The following OVGP1 variants were observed in gnomAD, a reference collection of about 807,000 sequenced individuals.
OVGP1 encodes the protein oviductal glycoprotein 1, also known as oviduct-specific glycoprotein.
OVGP1 carries 26 observed loss-of-function variants against 48.2 expected under a neutral mutation model. The observed-to-expected ratio is 0.54, with a 90% confidence interval of 0.40 to 0.75. The LOEUF (loss-of-function observed/expected upper bound fraction) is 0.75. OVGP1 is among the 30% of genes least tolerant of loss of function. OVGP1 has a pLI of 0.00. For missense variants in OVGP1, 791 were observed against 820.6 expected, an observed-to-expected ratio of 0.96 and a Z score of 0.44; for synonymous variants, 294 against 305.7, an observed-to-expected ratio of 0.96 and a Z score of 0.40.
At chr1:111,425,235 G>T in intron 4 of OVGP1, 148 bp downstream of exon 4, 1 of 820,422 alleles carries the variant, frequency 1.2e-6, no homozygotes, top group Non-Finnish European at 1.9e-6. Context: ...GATATCCCTT[G>T]AGTGCAGGGG....
intron 9 of OVGP1, among the ~76,000 whole-genome samples, chr1:111,417,568 G>C (rs1444455005): frequency 1.3e-5 from 2 of 152,158 alleles, no homozygotes; most frequent in Non-Finnish European, 2.9e-5. Flanking sequence ...TGAAGTTTCT[G>C]AGACTTTTAT....
chr1:111,427,428 G>T, intron 1 of OVGP1: 1 of 922,152 alleles, frequency 1.1e-6, no homozygotes. Flanking sequence ...ATCCTGGCTG[G>T]TCATGCAGAG....
Position 111,421,371 on chromosome 1 carries a change from G to A in OVGP1, c.808C>T (p.Leu270Phe), listed in dbSNP as rs1254296858. The A allele has an allele frequency of 1.2e-5, 19 of 1,614,052 alleles. No homozygotes were observed. The highest frequency in any genetic ancestry group is 1.6e-5 in the Non-Finnish European group (19 of 1,180,022). The change falls in exon 8 of 11, where the codon CTC becomes TTC. Residue 270 changes from leucine to phenylalanine, a missense_variant. Physicochemically the swap from Leu to Phe is conservative, Grantham distance 22 (BLOSUM62 0). Transcript: ENST00000369732. ...IPTYGRTFRLLKASKNGLQAR... is the reference protein window; with the variant it reads ...IPTYGRTFRLFKASKNGLQAR... ...TGCAACCCATTCTTAGAGGCTTTGA[G>A]GAGGCGAAAGGTACGTCCATAGGTG...
rs1390945170 is a variant in OVGP1, at chr1:111,425,398, T to C, written c.302A>G (p.Asn101Ser). Reference sequence around the variant, plus strand: ...AAAGTCTCACCTTGAGGTGCCAAAGTTCCACCCGCCGATGGACAGTAGTGT... The same window carrying C: ...AAAGTCTCACCTTGAGGTGCCAAAGCTCCACCCGCCGATGGACAGTAGTGT... Reference protein sequence around the residue: ...LKTLLSIGGWNFGTSRFTTML... With the variant: ...LKTLLSIGGWSFGTSRFTTML... Residue 101 changes from asparagine to serine, a missense_variant, in exon 4 of 11, where the codon AAC becomes AGC. Asn to Ser is a conservative substitution (Grantham distance 46). Coordinates refer to ENST00000369732, the MANE Select transcript of OVGP1 (RefSeq NM_002557.4). The C allele has an allele frequency of 3.7e-6, 6 of 1,613,684 alleles. No individual in the cohort carries two copies. Among genetic ancestry groups the C allele is most frequent in the African/African-American group, 2.7e-5 (2 of 74,906 alleles).
At chr1:111,425,176 C>T (rs1455477683) in intron 4 of OVGP1, among the ~76,000 whole-genome samples, 1 of 152,228 alleles carries the variant, frequency 6.6e-6, no homozygotes, top group Non-Finnish European at 1.5e-5. Flanking sequence ...TTCTCACCAC[C>T]TGCTAGAACT....
chr1:111,418,531 A>C (rs1046894726), intron 9 of OVGP1, among the ~76,000 whole-genome samples: 2 of 152,132 alleles, frequency 1.3e-5, no homozygotes, highest in African/African-American at 4.8e-5. Context: ...AACTTCCCCC[A>C]AAAAACAGCC....
chr1:111,425,376 G>A lies in OVGP1; in HGVS notation c.317+7C>T. The A allele has an allele frequency of 6.2e-7, 1 of 1,613,620 alleles. No individual in the cohort carries two copies. The highest frequency in any genetic ancestry group is 8.5e-7 in the Non-Finnish European group (1 of 1,179,834). On this transcript the variant is annotated splice_region_variant and intron_variant, in intron 4 of 10. Transcript: ENST00000369732. ...CCAGGGAGAAGAGAATAACAGCAAA[G>A]TCTCACCTTGAGGTGCCAAAGTTCC...
Position 111,419,139 on chromosome 1 carries a change from C to T in OVGP1, c.1020+471G>A, listed in dbSNP as rs899930695. ...GCTTCACCCAAATTCTTCTTTGAACCTGCTATAAGCTTTCTACACCACTGA... is the reference window on the plus strand; with the variant it reads ...GCTTCACCCAAATTCTTCTTTGAACTTGCTATAAGCTTTCTACACCACTGA... On this transcript the variant is annotated intron_variant, in intron 9 of 10. Coordinates refer to ENST00000369732, the MANE Select transcript of OVGP1 (RefSeq NM_002557.4). Among the ~76,000 whole-genome samples, 8 of 152,286 alleles carry T rather than the reference C, an allele frequency of 5.3e-5. No homozygotes were observed. The South Asian group carries it at 6.2e-4, about 12-fold the overall frequency.
At chr1:111,426,880 C>T in intron 2 of OVGP1, 182 bp downstream of exon 2, 3 of 1,547,666 alleles carry the variant, frequency 1.9e-6, no homozygotes, top group Non-Finnish European at 2.6e-6. Flanking sequence ...CAAGTCTGGA[C>T]CAAGGCACAC....
chr1:111,416,274 G>A (rs772426374), intron 10 of OVGP1, 49 bp downstream of exon 10: 10 of 1,510,786 alleles, frequency 6.6e-6, no homozygotes, highest in African/African-American at 2.7e-5. Flanking sequence ...CTTACCCAGT[G>A]CTTGGTTATG....
At chr1:111,419,995 AG>A (rs1652223752) in intron 8 of OVGP1, among the ~76,000 whole-genome samples, 1 of 152,244 alleles carries the variant, frequency 6.6e-6, no homozygotes, top group Non-Finnish European at 1.5e-5. Flanking sequence ...AAACCAAGCC[AG>A]GGGTATAATG....
chr1:111,422,234 T>C (rs770638992), intron 6 of OVGP1, among the ~76,000 whole-genome samples: 10 of 152,146 alleles, frequency 6.6e-5, no homozygotes, highest in Admixed American at 6.5e-5. Context: ...ACTCTCTCAA[T>C]CCTGTCTGGC....
At chr1:111,427,562 TG>T in intron 1 of OVGP1, 134 bp downstream of exon 1, 1 of 1,153,878 alleles carries the variant, frequency 8.7e-7, no homozygotes, top group Non-Finnish European at 1.3e-6. Flanking sequence ...CCATTAACTA[TG>T]GCCCATCCCA....
At chr1:111,421,709 G>C (rs766283456) in intron 6 of OVGP1, 36 bp from the exon 7 acceptor site, 7 of 1,308,156 alleles carry the variant, frequency 5.4e-6, no homozygotes, top group Non-Finnish European at 7.8e-6. Flanking sequence ...TAAAGACTGG[G>C]CTAGCCAGAT....
chr1:111,415,187 C>T lies in OVGP1; in HGVS notation c.1314G>A (p.Lys438=). ...TAGGGGTTATAGTCATATTTTCACA[C>T]TTTCCGTGGATCTCAGTGACCCCAG... ...GEAGVTEIHG[K]CENMTITPRG... The change falls in exon 11 of 11, where the codon AAG becomes AAA. Residue 438 remains lysine, a synonymous_variant. Transcript: ENST00000369732. 1 of 1,614,190 alleles carries T rather than the reference C, an allele frequency of 6.2e-7. No homozygotes were observed. The highest frequency in any genetic ancestry group is 2.2e-5 in the East Asian group (1 of 44,884).
rs1652398886 is a variant in OVGP1 at position 111,426,442 on chromosome 1, C to T, written c.255G>A (p.Lys85=). ...CACATCCAATATGAACACACCTCTCCTTTAGTTTGTTGAACTCTGGGTAGA... is the reference window on the plus strand; with the variant it reads ...CACATCCAATATGAACACACCTCTCTTTTAGTTTGTTGAACTCTGGGTAGA... The part of the protein sequence containing the change: ...KILYPEFNKL[K]ERNRELKTLL... The change falls in exon 3 of 11, where the codon AAG becomes AAA. Residue 85 remains lysine (K), a synonymous_variant. Transcript: ENST00000369732. 5 of 1,613,984 alleles carry T rather than the reference C, an allele frequency of 3.1e-6. No homozygotes were observed. In the African/African-American group the frequency reaches 5.3e-5, roughly 17 times the overall value.
rs189375136 is a variant in OVGP1 at position 111,425,638 on chromosome 1, A to G, written c.261-199T>C. The stretch of plus-strand genomic sequence containing the variant: ...GGAGGAAAGACAGAGAGAACAATCA[A>G]CCCAAGGGCCATCACAGCCCAACAA... On this transcript the variant is annotated intron_variant, in intron 3 of 10. Transcript: ENST00000369732. 142 of 1,006,298 alleles carry G rather than the reference A, an allele frequency of 1.4e-4. No individual in the cohort carries two copies. The East Asian group carries it at 3.1e-3, about 22-fold the overall frequency. 62.3% of individuals were successfully genotyped at this position (1,006,298 alleles called of 1,614,324 possible). A position where few individuals can be genotyped will look rare whatever the true frequency, so the allele number is the denominator to read the frequency against.
intron 9 of OVGP1, among the ~76,000 whole-genome samples, chr1:111,418,383 A>T (rs1652183834): frequency 6.6e-6 from 1 of 152,158 alleles, no homozygotes; most frequent in Non-Finnish European, 1.5e-5. Flanking sequence ...TTCCCAAACC[A>T]CAGAGCAAGA....
At position 111,423,604 on chromosome 1, in the gene OVGP1, A is replaced by G; in HGVS notation, c.422T>C (p.Leu141Ser). The change falls in exon 5 of 11, where the codon TTA (leucine) becomes TCA (serine). Residue 141 changes from leucine to serine, a missense_variant. By Grantham distance (145) the Leu-to-Ser change is moderately radical. Transcript: ENST00000369732. Reference sequence around the variant, plus strand: ...GGGGCTGCCTCTTAGTCCAGGATATAAGAAGAAAAGGTCAAGACCATCAAA... The same window carrying G: ...GGGGCTGCCTCTTAGTCCAGGATATGAGAAGAAAAGGTCAAGACCATCAAA... ...HDFDGLDLFF[L>S]YPGLRGSPMH... 6.2e-7 allele frequency: 1 copy of G among 1,614,170 alleles called. No individual in the cohort carries two copies. Among genetic ancestry groups the G allele is most frequent in the Non-Finnish European group, 8.5e-7 (1 of 1,180,018 alleles).
Sources: allele counts gnomAD v4.1 joint callset (sites outside exome capture counted in the v4.1 genomes callset), GRCh38; gene constraint gnomAD v4.1.1; transcripts MANE v1.5; gene names NCBI Gene and HGNC (gene_info 2026-07-23, HGNC 2026-07-21).